N4BP2L2: variants seen among roughly 807,000 people sequenced by gnomAD.
N4BP2L2 encodes the protein NEDD4 binding protein 2 like 2.
N4BP2L2 carries 50 observed loss-of-function variants against 56.2 expected under a neutral mutation model. The observed-to-expected ratio is 0.89, with a 90% CI of 0.71 to 1.13. N4BP2L2 has a LOEUF of 1.13. N4BP2L2 is among the 50% of genes most tolerant of loss of function. N4BP2L2 has a pLI of 0.00. For missense variants in N4BP2L2, 689 were observed against 693.8 expected (o/e 0.99, Z 0.08); for synonymous variants, 203 against 223.6 (o/e 0.91, Z 0.82).
intron 6 of N4BP2L2, among the ~76,000 whole-genome samples, chr13:32,491,778 C>T (rs767393801): frequency 1.5e-4 from 23 of 151,618 alleles, no homozygotes; most frequent in Non-Finnish European, 2.2e-4. Context: ...ACTATAGGCA[C>T]GTGCCACCAC....
chr13:32,506,245 C>A (rs2090925700), downstream of N4BP2L2: 1 of 152,122 alleles, frequency 6.6e-6, no homozygotes, highest in Admixed American at 6.6e-5. Flanking sequence ...TTAATGGAAA[C>A]CACTCATATG....
At chr13:32,507,415 C>T (rs1016570512), downstream of N4BP2L2, 3 of 152,062 alleles carry the variant, frequency 2.0e-5, no homozygotes, top group African/African-American at 7.2e-5. Context: ...TTAATGAGCT[C>T]CTACAGTACT....
intron 8 of N4BP2L2, among the ~76,000 whole-genome samples, chr13:32,438,393 T>C (rs922868069): frequency 5.3e-5 from 8 of 152,152 alleles, no homozygotes; most frequent in African/African-American, 1.9e-4. Context: ...GTTAATCTCA[T>C]AGAAGTAGAG....
Position 32,438,649 on chromosome 13 carries a change from T to C in N4BP2L2, c.2190+3A>G, listed in dbSNP as rs1265902772. The C allele has an allele frequency of 5.0e-6, 8 of 1,587,542 alleles. No homozygotes were observed. In the South Asian group the frequency reaches 8.9e-5, roughly 18 times the overall value. ...ATACACACACACACACACACATATA[T>C]ACCTCCACTGACATCTTCCATTGCA... On this transcript the variant is annotated splice_donor_region_variant and intron_variant, in intron 8 of 9. Coordinates refer to the N4BP2L2 transcript ENST00000357505.
At chr13:32,448,368 C>T (rs557439199) in intron 6 of N4BP2L2, among the ~76,000 whole-genome samples, 1 of 151,388 alleles carries the variant, frequency 6.6e-6, no homozygotes, top group Non-Finnish European at 1.5e-5. Context: ...ATGAATGGTA[C>T]CATTAGAAGA....
At chr13:32,443,813 T>C (rs1359292080) in exon 7 of N4BP2L2, 1 of 1,587,094 alleles carries the variant, frequency 6.3e-7, no homozygotes, top group Non-Finnish European at 8.6e-7. Context: ...AATTCAACTA[T>C]AGACATAACG....
intron 7 of N4BP2L2, chr13:32,438,792 C>A: frequency 7.4e-7 from 1 of 1,359,738 alleles, no homozygotes; most frequent in Non-Finnish European, 1.0e-6. Flanking sequence ...GATTTTTGCC[C>A]TAACTGTGAA....
intron 2 of N4BP2L2, among the ~76,000 whole-genome samples, chr13:32,535,322 C>A (rs903370803): frequency 6.6e-6 from 1 of 152,176 alleles, no homozygotes; most frequent in Admixed American, 6.5e-5. Flanking sequence ...AAAGGGTAGG[C>A]CAGGACAGTT....
At chr13:32,517,112 T>TTC in exon 6 of N4BP2L2, 1 of 983,610 alleles carries the variant, frequency 1.0e-6, no homozygotes. Context: ...TAGAATCACT[T>TTC]TATCCCTTCA....
At chr13:32,489,378 GT>G (rs2086575917) in intron 6 of N4BP2L2, among the ~76,000 whole-genome samples, 1 of 152,088 alleles carries the variant, frequency 6.6e-6, no homozygotes, top group South Asian at 2.1e-4. Context: ...TAAGTCCTAA[GT>G]TACCATCTAC....
Position 32,443,147 on chromosome 13 carries a change from GGTTT to G in N4BP2L2, c.1341_1344del (p.Asn448SerfsTer16). ...GGTTGAGGTAAGCAGCTTCTGAAGAGGTTTGTTTCTATGAATGAATCCATAGTTT... is the reference window on the plus strand; with the variant it reads ...GGTTGAGGTAAGCAGCTTCTGAAGAGGTTTCTATGAATGAATCCATAGTTT... On this transcript the variant is annotated frameshift_variant, in exon 7 of 10. Transcript: ENST00000357505. LOFTEE classifies it high-confidence loss of function. The G allele has an allele frequency of 6.2e-7, 1 of 1,613,822 alleles. No individual in the cohort carries two copies. Among genetic ancestry groups the G allele is most frequent in the Non-Finnish European group, 8.5e-7 (1 of 1,179,854 alleles).
chr13:32,444,210 C>T, intron 6 of N4BP2L2: 1 of 1,086,714 alleles, frequency 9.2e-7, no homozygotes, highest in Non-Finnish European at 1.2e-6. Context: ...TCTTCATGTG[C>T]AGGTTTAAAA....
exon 6 of N4BP2L2, chr13:32,515,788 G>A (rs888072158): frequency 8.5e-5 from 13 of 152,070 alleles, no homozygotes; most frequent in Non-Finnish European, 1.6e-4. Flanking sequence ...ACAGGCTGGA[G>A]TGCAAGTGGC....
At chr13:32,486,544 C>A (rs2085903089) in intron 6 of N4BP2L2, among the ~76,000 whole-genome samples, 1 of 151,876 alleles carries the variant, frequency 6.6e-6, no homozygotes, top group Admixed American at 6.6e-5. Flanking sequence ...GGTGTGGAGG[C>A]TTGCACCTGT....
intron 6 of N4BP2L2, among the ~76,000 whole-genome samples, chr13:32,479,911 T>TGAGA (rs148503038): frequency 1.4e-5 from 2 of 139,098 alleles, no homozygotes; most frequent in Non-Finnish European, 3.2e-5. Context: ...AGACACAGAG[T>TGAGA]GAGAGAGAGA....
chr13:32,469,417 G>C (rs4271479), intron 6 of N4BP2L2, among the ~76,000 whole-genome samples: 9,035 of 152,250 alleles, frequency 0.059, 349 homozygotes, highest in East Asian at 0.19. Context: ...AGTCAGATGG[G>C]TGTTTATGAC....
At chr13:32,514,195 T>A (rs1176282704) in exon 6 of N4BP2L2, 1 of 152,126 alleles carries the variant, frequency 6.6e-6, no homozygotes, top group Non-Finnish European at 1.5e-5. Flanking sequence ...AAGCTAACAT[T>A]ATCTTTTACA....
In N4BP2L2 at chr13:32,462,261, A is replaced by G. The variant is rs1243002901; in HGVS notation, c.366-18135T>C. On this transcript the variant is annotated intron_variant, in intron 6 of 9. Coordinates refer to the N4BP2L2 transcript ENST00000357505. ...ATACACAATGAAATACTACTTGGAC[A>G]TAGAAAAAATAATGAAATCCTGTCA... Among the ~76,000 whole-genome samples, 3 of 152,246 alleles carry G rather than the reference A, an allele frequency of 2.0e-5. No homozygotes were observed. In the East Asian group the frequency reaches 5.8e-4, roughly 29 times the overall value.
At chr13:32,467,021 C>T (rs987178951) in intron 6 of N4BP2L2, among the ~76,000 whole-genome samples, 2 of 152,018 alleles carry the variant, frequency 1.3e-5, no homozygotes, top group African/African-American at 4.8e-5. Flanking sequence ...CTATCAATAT[C>T]CTTGTAGATA....
Sources: gnomAD v4.1 joint callset for allele counts (sites outside exome capture counted in the v4.1 genomes callset) on GRCh38, gnomAD v4.1.1 for gene constraint, MANE v1.5 for transcripts, NCBI Gene and HGNC (gene_info 2026-07-23, HGNC 2026-07-21) for gene names.